Variants in CSMD1 observed in about 807,000 individuals in gnomAD.
CSMD1 encodes the protein CUB and sushi domain-containing protein 1.
In CSMD1, 213 loss-of-function variants were observed where a neutral mutation model predicts 417.5. The observed-to-expected ratio is 0.51, with a 90% confidence interval of 0.46 to 0.57. The LOEUF (loss-of-function observed/expected upper bound fraction) is 0.57, where lower values mean the gene tolerates loss of function less well. Ranked by LOEUF, CSMD1 falls within the 20% of genes least tolerant of loss-of-function variation. The probability of loss-of-function intolerance (pLI) is 0.00; values close to 1 mark genes in which losing one functional copy is unlikely to be tolerated. For synonymous variants in CSMD1, 2,862 were observed against 1,736.8 expected, an observed-to-expected ratio of 1.65 and a Z score of -16.11; for missense variants, 6,923 against 4,529.7, an observed-to-expected ratio of 1.53 and a Z score of -15.17.
intron 7 of CSMD1, among the ~76,000 whole-genome samples, chr8:3,650,457 C>T (rs1452482853): frequency 1.3e-5 from 2 of 152,112 alleles, no homozygotes; most frequent in Non-Finnish European, 1.5e-5. Flanking sequence ...CATCGAAGAA[C>T]TCATCATGCT....
intron 2 of CSMD1, among the ~76,000 whole-genome samples, chr8:4,531,927 G>C (rs62479747): frequency 2.8e-5 from 4 of 143,216 alleles, no homozygotes; most frequent in Admixed American, 1.4e-4. Flanking sequence ...AATCCTGCAA[G>C]CCCATTCACA....
At chr8:3,476,042 G>T (rs894470078) in intron 11 of CSMD1, among the ~76,000 whole-genome samples, 1 of 152,112 alleles carries the variant, frequency 6.6e-6, no homozygotes, top group Admixed American at 6.5e-5. Context: ...TCTAATCTAC[G>T]TGAAATACAT....
chr8:4,078,374 G>A (rs1025891665), intron 3 of CSMD1, among the ~76,000 whole-genome samples: 3 of 146,138 alleles, frequency 2.1e-5, no homozygotes, highest in Non-Finnish European at 4.5e-5. Flanking sequence ...GAGTGCAGTG[G>A]CGTGATCTCG....
chr8:3,267,770 G>A (rs1251835466), intron 26 of CSMD1, among the ~76,000 whole-genome samples: 2 of 152,186 alleles, frequency 1.3e-5, no homozygotes, highest in African/African-American at 2.4e-5. Flanking sequence ...AGCAGCTGAT[G>A]GGAGTGGAGC....
chr8:3,327,525 G>A lies in CSMD1; in HGVS notation c.3631+15769C>T, dbSNP rs141983954. Reference sequence around the variant, plus strand: ...ACATCTTTTTATTAACATAATATCAGTTTAATGTCTGTTAGAAATCAACTT... The same window carrying A: ...ACATCTTTTTATTAACATAATATCAATTTAATGTCTGTTAGAAATCAACTT... On this transcript the variant is annotated intron_variant, in intron 23 of 69. Coordinates refer to ENST00000635120, the MANE Select transcript of CSMD1 (RefSeq NM_033225.6). Among the ~76,000 whole-genome samples, 7 of 152,228 alleles carry A rather than the reference G, an allele frequency of 4.6e-5. No individual in the cohort carries two copies. The East Asian group carries it at 1.4e-3, about 29-fold the overall frequency.
chr8:3,297,213 C>G (rs1011355494), intron 25 of CSMD1, among the ~76,000 whole-genome samples: 2 of 152,038 alleles, frequency 1.3e-5, no homozygotes, highest in East Asian at 3.9e-4. Flanking sequence ...ATATCAAGGA[C>G]CAGAAAGTTC....
At chr8:3,566,407 C>T (rs904456328) in intron 10 of CSMD1, among the ~76,000 whole-genome samples, 7 of 152,032 alleles carry the variant, frequency 4.6e-5, no homozygotes, top group Non-Finnish European at 1.5e-5. Context: ...CCAGGACATA[C>T]AGCCATCCCT....
chr8:3,114,913 A>G (rs918836742), intron 42 of CSMD1, among the ~76,000 whole-genome samples: 3 of 152,158 alleles, frequency 2.0e-5, no homozygotes, highest in Non-Finnish European at 2.9e-5. Context: ...CTATCACAAC[A>G]TATTATTTAC....
chr8:4,062,899 A>C (rs1013324907), intron 3 of CSMD1, among the ~76,000 whole-genome samples: 1 of 143,950 alleles, frequency 6.9e-6, no homozygotes, highest in African/African-American at 2.6e-5. Context: ...AACTGCAGCA[A>C]TATTACTGAT....
intron 2 of CSMD1, among the ~76,000 whole-genome samples, chr8:4,627,201 A>C (rs1317690650): frequency 6.6e-6 from 1 of 152,142 alleles, no homozygotes; most frequent in African/African-American, 2.4e-5. Context: ...TAGAGGTTGA[A>C]AGGATAAATC....
At chr8:3,060,754 G>A (rs1460305264) in intron 49 of CSMD1, among the ~76,000 whole-genome samples, 1 of 152,170 alleles carries the variant, frequency 6.6e-6, no homozygotes, top group Non-Finnish European at 1.5e-5. Flanking sequence ...GTATTAAGAG[G>A]TGGGGCATTT....
In CSMD1 at chr8:3,551,593, TATA is replaced by T. The variant is rs200912940; in HGVS notation, c.1344+23349_1344+23351del. On this transcript the variant is annotated intron_variant, in intron 10 of 69. Transcript: ENST00000635120. Reference sequence around the variant, plus strand: ...TAATAAATATGTATATATATATATATATATTTTTTTTTTTTTTTTTTCTGAAGA... The same window carrying T: ...TAATAAATATGTATATATATATATATTTTTTTTTTTTTTTTTTTCTGAAGA... Among the ~76,000 whole-genome samples, 598 of 111,274 alleles carry T rather than the reference TATA, an allele frequency of 5.4e-3. 4 individuals are homozygous for T. The highest frequency in any genetic ancestry group is 0.027 in the East Asian group (106 of 3,874). The allele number at this position is 111,274 out of a possible 152,430, so 73.0% of individuals were successfully genotyped here. A position where few individuals can be genotyped will look rare whatever the true frequency, so the allele number is the denominator to read the frequency against.
At chr8:3,501,879 G>C (rs1436456006) in intron 10 of CSMD1, among the ~76,000 whole-genome samples, 4 of 152,124 alleles carry the variant, frequency 2.6e-5, no homozygotes, top group South Asian at 2.1e-4. Flanking sequence ...TAATGATAAG[G>C]AGACAAACTG....
rs549330585 is a variant in CSMD1 at position 4,327,981 on chromosome 8, C to T, written c.415+91972G>A. Among the ~76,000 whole-genome samples the T allele has an allele frequency of 2.0e-5, 3 of 152,270 alleles. No individual in the cohort carries two copies. In the South Asian group the frequency reaches 6.2e-4, roughly 32 times the overall value. ...AAGTTGAATGAAATTCTTGTTTTAA[C>T]ATTTACCAGTAAACTTTATTCATTT... On this transcript the variant is annotated intron_variant, in intron 3 of 69. Transcript: ENST00000635120.
chr8:4,480,344 A>C (rs1378250132), intron 2 of CSMD1, among the ~76,000 whole-genome samples: 1 of 152,168 alleles, frequency 6.6e-6, no homozygotes, highest in Non-Finnish European at 1.5e-5. Flanking sequence ...AAACTGGTTC[A>C]CCTGTTAGCT....
chr8:3,397,668 G>C (rs143101995), intron 16 of CSMD1, among the ~76,000 whole-genome samples: 1 of 152,160 alleles, frequency 6.6e-6, no homozygotes, highest in African/African-American at 2.4e-5. Context: ...CTGGCTAAGC[G>C]TGAAAGCAAT....
intron 8 of CSMD1, among the ~76,000 whole-genome samples, chr8:3,599,365 C>T (rs562079228): frequency 1.3e-5 from 2 of 152,202 alleles, no homozygotes; most frequent in Admixed American, 6.5e-5. Flanking sequence ...ATTATTAACC[C>T]CAACTCAGCA....
intron 25 of CSMD1, among the ~76,000 whole-genome samples, chr8:3,296,619 G>A (rs1584949610): frequency 6.6e-6 from 1 of 152,164 alleles, no homozygotes; most frequent in Non-Finnish European, 1.5e-5. Flanking sequence ...CCAAGAAAGT[G>A]GCGTATGTGC....
In CSMD1 at chr8:4,289,482, G is replaced by C. The variant is rs79522528; in HGVS notation, c.415+130471C>G. 5.8e-3 allele frequency among the ~76,000 whole-genome samples: 884 copies of C among 152,218 alleles called. 44 individuals are homozygous for C. The East Asian group carries it at 0.12, about 21-fold the overall frequency. ...TCAAGTCCAGTAGTAGCCAGATTTG[G>C]ACCACATAAACTGAGTTCTGTCCAC... On this transcript the variant is annotated intron_variant, in intron 3 of 69. Coordinates refer to ENST00000635120, the MANE Select transcript of CSMD1 (RefSeq NM_033225.6).
Sources: gnomAD v4.1 joint callset for allele counts (sites outside exome capture counted in the v4.1 genomes callset) on GRCh38, gnomAD v4.1.1 for gene constraint, MANE v1.5 for transcripts, NCBI Gene and HGNC (gene_info 2026-07-23, HGNC 2026-07-21) for gene names.